ZNF558: variants seen among roughly 807,000 people sequenced by gnomAD.
The protein encoded by ZNF558 is zinc finger protein 558.
Under a neutral mutation model 37.6 loss-of-function variants are expected in ZNF558, and 23 were observed. The observed-to-expected ratio is 0.61, with a 90% CI of 0.44 to 0.87. The LOEUF (loss-of-function observed/expected upper bound fraction) is 0.87, where lower values mean the gene tolerates loss of function less well. Ranked by LOEUF, ZNF558 falls within the 40% of genes least tolerant of loss-of-function variation. The pLI is 0.00. For missense variants in ZNF558, 429 were observed against 483.7 expected (o/e 0.89, Z 1.06); for synonymous variants, 189 against 174.4 (o/e 1.08, Z -0.66).
chr19:8,820,144 G>A (rs1188831658), intron 7 of ZNF558, among the ~76,000 whole-genome samples: 1 of 152,160 alleles, frequency 6.6e-6, no homozygotes, highest in Non-Finnish European at 1.5e-5. Context: ...GCAAGTGCTG[G>A]GAAGATGCAG....
chr19:8,819,337 C>T (rs148069055), intron 7 of ZNF558, among the ~76,000 whole-genome samples: 60 of 152,170 alleles, frequency 3.9e-4, no homozygotes, highest in South Asian at 2.1e-3. Flanking sequence ...CCTGCCACCA[C>T]GCCTGGCTAA....
rs116896920 is a variant in ZNF558 at position 8,816,132 on chromosome 19, T to C, written c.248-2910A>G. ...CCCACGCTGGAGTGCAGTGGTGTGA[T>C]CATGGCTCACTGCAGCCTTAATCTC... On this transcript the variant is annotated intron_variant, in intron 7 of 9. Transcript: ENST00000601372. Among the ~76,000 whole-genome samples the C allele has an allele frequency of 1.8e-4, 28 of 152,122 alleles. No individual in the cohort carries two copies. The East Asian group carries it at 5.0e-3, about 27-fold the overall frequency.
At chr19:8,821,455 G>A in intron 6 of ZNF558, 149 bp from the exon 7 acceptor site, 1 of 1,514,522 alleles carries the variant, frequency 6.6e-7, no homozygotes. Flanking sequence ...CCAGGGTTCT[G>A]AGCTCCTCTC....
Position 8,822,609 on chromosome 19 carries a change from G to A in ZNF558, c.31+20C>T, listed in dbSNP as rs748635868. On this transcript the variant is annotated intron_variant, in intron 5 of 9. Transcript: ENST00000601372. This position sits in a 1 kb window ranked among gnomAD's most constrained non-coding sequence, Gnocchi z 4.4. The stretch of plus-strand genomic sequence containing the variant: ...CTTTCAAGGCTGGACTCTGAGAAAT[G>A]TCAGGACCCCACGACTCACCAGCAG... 3.1e-6 allele frequency: 5 copies of A among 1,614,040 alleles called. No homozygotes were observed. Among genetic ancestry groups the A allele is most frequent in the Non-Finnish European group, 4.2e-6 (5 of 1,179,958 alleles).
intron 2 of ZNF558, among the ~76,000 whole-genome samples, chr19:8,825,753 G>A (rs1332809631): frequency 1.3e-5 from 2 of 152,060 alleles, no homozygotes; most frequent in African/African-American, 2.4e-5. Context: ...AAATCAAGTT[G>A]GAGGGAGTCT....
rs782500008 is a variant in ZNF558, at chr19:8,813,221, C to T, written c.249G>A (p.Gly83=). 14 of 1,584,822 alleles carry T rather than the reference C, an allele frequency of 8.8e-6. No homozygotes were observed. The highest frequency in any genetic ancestry group is 1.2e-5 in the South Asian group (1 of 86,774). Residue 83 remains glycine, a splice_region_variant and synonymous_variant, in exon 8 of 10, where the codon GGG becomes GGA. Coordinates refer to ENST00000601372, the MANE Select transcript of ZNF558 (RefSeq NM_144693.3). ...LENCRNLASL[G]CRVNKPSLIS... ...TCAGACTGGGTTTATTAACACGACACCCTATTTATGGAAACAATACACATG... is the reference window on the plus strand; with the variant it reads ...TCAGACTGGGTTTATTAACACGACATCCTATTTATGGAAACAATACACATG...
At chr19:8,827,650 T>C (rs2044263251) in intron 2 of ZNF558, among the ~76,000 whole-genome samples, 1 of 142,762 alleles carries the variant, frequency 7.0e-6, no homozygotes. Context: ...CTCTGCTCAC[T>C]GCAACCTCAG....
chr19:8,812,633 A>G lies in ZNF558; in HGVS notation c.354T>C (p.Thr118=). ...ILPSTCPDLE[T]LLKAKWLTPK... Reference sequence around the variant, plus strand: ...GAGTTAACCATTTGGCTTTAAGTAGAGTCTCCAAATCTGAAACAAATTGAA... The same window carrying G: ...GAGTTAACCATTTGGCTTTAAGTAGGGTCTCCAAATCTGAAACAAATTGAA... The change falls in exon 9 of 10, where the codon ACT becomes ACC. Residue 118 remains threonine, a synonymous_variant. Coordinates refer to ENST00000601372, the MANE Select transcript of ZNF558 (RefSeq NM_144693.3). The G allele has an allele frequency of 6.2e-7, 1 of 1,601,272 alleles. No individual in the cohort carries two copies. Among genetic ancestry groups the G allele is most frequent in the Non-Finnish European group, 8.5e-7 (1 of 1,176,132 alleles).
At chr19:8,820,067 A>G (rs533089279) in intron 7 of ZNF558, among the ~76,000 whole-genome samples, 10 of 152,344 alleles carry the variant, frequency 6.6e-5, no homozygotes, top group African/African-American at 1.9e-4. Flanking sequence ...TTGTCATTAG[A>G]AAAATGCAAA....
chr19:8,819,032 C>T (rs1050235300), intron 7 of ZNF558, among the ~76,000 whole-genome samples: 1 of 152,212 alleles, frequency 6.6e-6, no homozygotes, highest in Non-Finnish European at 1.5e-5. Flanking sequence ...ATCTATCACA[C>T]AGCTGAGTGG....
At chr19:8,814,467 G>A (rs374737153) in intron 7 of ZNF558, among the ~76,000 whole-genome samples, 13 of 152,242 alleles carry the variant, frequency 8.5e-5, no homozygotes, top group East Asian at 5.8e-4. Context: ...AAGACTAACC[G>A]AAAAGCCTGA....
the ZNF558 span, among the ~76,000 whole-genome samples, chr19:8,838,006 T>C: frequency 2.2e-4 from 33 of 151,748 alleles, no homozygotes; most frequent in African/African-American, 7.0e-4. Flanking sequence ...CCCAGCACTT[T>C]GGGAGGCCGA....
In ZNF558 at chr19:8,808,511, C is replaced by G. The variant is rs782615745; in HGVS notation, c.*2770G>C. On this transcript the variant is annotated 3_prime_UTR_variant, in exon 10 of 10. Coordinates refer to ENST00000601372, the MANE Select transcript of ZNF558 (RefSeq NM_144693.3). ...AACATAATGGAAGAGTTTACCACAC[C>G]TCTATCACTAAATAAGGTTAGAAAA... 1.3e-5 allele frequency: 2 copies of G among 151,998 alleles called. No homozygotes were observed. Among genetic ancestry groups the G allele is most frequent in the Admixed American group, 6.6e-5 (1 of 15,244 alleles). The allele number at this position is 151,998 out of a possible 1,614,324, so 9.4% of individuals were successfully genotyped here.
chr19:8,836,590 CAA>C (rs2044458401), upstream of ZNF558, among the ~76,000 whole-genome samples: 1 of 152,028 alleles, frequency 6.6e-6, no homozygotes, highest in Non-Finnish European at 1.5e-5. Flanking sequence ...CTCCTGGGCT[CAA>C]GTCATTCTCC....
At chr19:8,830,492 A>T (rs1227650922) in intron 2 of ZNF558, among the ~76,000 whole-genome samples, 1 of 152,196 alleles carries the variant, frequency 6.6e-6, no homozygotes, top group African/African-American at 2.4e-5. Context: ...CTCAAAACAC[A>T]TCTGGTCGCC....
intron 7 of ZNF558, among the ~76,000 whole-genome samples, chr19:8,816,613 C>T (rs2043946380): frequency 6.6e-6 from 1 of 152,140 alleles, no homozygotes; most frequent in Non-Finnish European, 1.5e-5. Flanking sequence ...TAAACAAAGA[C>T]TGAGTGTTTG....
chr19:8,821,552 T>TG, intron 6 of ZNF558: 1 of 1,411,482 alleles, frequency 7.1e-7, no homozygotes, highest in Non-Finnish European at 9.2e-7. Context: ...CCTTAGGCCA[T>TG]TCCCAGGTCC....
At chr19:8,814,547 T>A (rs1290409493) in intron 7 of ZNF558, among the ~76,000 whole-genome samples, 1 of 152,152 alleles carries the variant, frequency 6.6e-6, no homozygotes, top group Admixed American at 6.5e-5. Flanking sequence ...CTTAAGAACC[T>A]GTAATTCCAA....
chr19:8,819,327 C>T (rs1428472196), intron 7 of ZNF558, among the ~76,000 whole-genome samples: 2 of 152,022 alleles, frequency 1.3e-5, no homozygotes, highest in Non-Finnish European at 2.9e-5. Flanking sequence ...ATTACAGGCA[C>T]CTGCCACCAC....
Sources: allele counts gnomAD v4.1 joint callset (sites outside exome capture counted in the v4.1 genomes callset), GRCh38; gene constraint gnomAD v4.1.1; non-coding constraint Gnocchi (gnomAD v3.1); transcripts MANE v1.5; gene names NCBI Gene and HGNC (gene_info 2026-07-23, HGNC 2026-07-21).